The following STXBP4 variants were observed in gnomAD, a reference collection of about 807,000 sequenced individuals.
STXBP4 encodes the protein syntaxin-binding protein 4.
Under a neutral mutation model 76.1 loss-of-function variants are expected in STXBP4, and 55 were observed. That is an observed-to-expected ratio of 0.72 (90% CI 0.58 to 0.91). STXBP4 has a LOEUF of 0.91. Among genes scored for constraint, STXBP4 ranks in the 40% least tolerant of loss-of-function variants. The pLI is 0.00. For missense variants in STXBP4, 618 were observed against 636.9 expected, an observed-to-expected ratio of 0.97 and a Z score of 0.32; for synonymous variants, 201 against 220.2, an observed-to-expected ratio of 0.91 and a Z score of 0.77.
intron 7 of STXBP4, 124 bp from the exon 8 acceptor site, chr17:55,007,382 T>C (rs907915374): frequency 2.8e-6 from 2 of 705,292 alleles, no homozygotes; most frequent in Admixed American, 2.5e-5. Context: ...CAAACAAAAC[T>C]AAAAGCTGCT....
chr17:55,076,594 A>G (rs979299557), intron 13 of STXBP4, among the ~76,000 whole-genome samples: 3 of 152,150 alleles, frequency 2.0e-5, no homozygotes, highest in South Asian at 2.1e-4. Flanking sequence ...TTTGGCTTCA[A>G]TGTTCAGCAG....
intron 4 of STXBP4, among the ~76,000 whole-genome samples, chr17:54,997,834 T>C (rs544972442): frequency 6.6e-6 from 1 of 150,710 alleles, no homozygotes; most frequent in South Asian, 2.1e-4. Flanking sequence ...GCAATCTTTC[T>C]GCCTCAGCCT....
chr17:55,026,189 C>T lies in STXBP4; in HGVS notation c.667-4979C>T, dbSNP rs77687278. Among the ~76,000 whole-genome samples the T allele has an allele frequency of 6.3e-3, 966 of 152,254 alleles. 13 individuals are homozygous for T. Among genetic ancestry groups the T allele is most frequent in the African/African-American group, 0.022 (908 of 41,534 alleles). ...ATTATTAAGATAGCAATACTCCCCA[C>T]GTCGGTATACAGATTTAATGCAATC... On this transcript the variant is annotated intron_variant, in intron 8 of 17. Transcript: ENST00000376352.
intron 8 of STXBP4, among the ~76,000 whole-genome samples, chr17:55,023,092 A>G (rs2144636531): frequency 6.6e-6 from 1 of 152,340 alleles, no homozygotes; most frequent in East Asian, 1.9e-4. Flanking sequence ...CTTGGAGTTT[A>G]TGAGCCCCAG....
intron 16 of STXBP4, among the ~76,000 whole-genome samples, chr17:55,109,135 C>T (rs1162671725): frequency 6.6e-6 from 1 of 152,118 alleles, no homozygotes; most frequent in African/African-American, 2.4e-5. Context: ...TTGAAACCTT[C>T]ATTTTTTAAA....
the STXBP4 span, among the ~76,000 whole-genome samples, chr17:55,193,967 A>G: frequency 1.7e-4 from 26 of 152,296 alleles, no homozygotes; most frequent in African/African-American, 6.3e-4. Context: ...AGGCATGAGC[A>G]ACCAACAGAG....
chr17:55,088,344 T>C (rs1457738214), intron 16 of STXBP4, among the ~76,000 whole-genome samples: 1 of 152,226 alleles, frequency 6.6e-6, no homozygotes, highest in Non-Finnish European at 1.5e-5. Context: ...TGTTATACTA[T>C]GGGATTTTCT....
chr17:55,024,973 T>TAA lies in STXBP4; in HGVS notation c.667-6187_667-6186dup, dbSNP rs560093016. On this transcript the variant is annotated intron_variant, in intron 8 of 17. Transcript: ENST00000376352. ...TAACACAGTGAAACCCCATCTCTAC[T>TAA]AAAAAAAAATACAAAAAATTAGCCG... Among the ~76,000 whole-genome samples the TAA allele has an allele frequency of 8.8e-3, 1,320 of 149,756 alleles. 10 individuals are homozygous for TAA. The highest frequency in any genetic ancestry group is 0.048 in the Middle Eastern group (14 of 292).
chr17:55,023,183 A>G (rs2078345524), intron 8 of STXBP4, among the ~76,000 whole-genome samples: 4 of 152,236 alleles, frequency 2.6e-5, no homozygotes, highest in South Asian at 2.1e-4. Context: ...AAAAGTATCT[A>G]TGTAATCCTT....
chr17:54,978,064 A>G (rs1419764533), intron 1 of STXBP4, among the ~76,000 whole-genome samples: 1 of 152,134 alleles, frequency 6.6e-6, no homozygotes, highest in East Asian at 1.9e-4. Flanking sequence ...ACCCCATCCC[A>G]TTCATGGGTC....
chr17:55,038,443 G>C (rs541008521), intron 10 of STXBP4, among the ~76,000 whole-genome samples: 4 of 151,950 alleles, frequency 2.6e-5, no homozygotes, highest in Non-Finnish European at 5.9e-5. Context: ...TCATTATTTT[G>C]TCTGACTCAT....
At chr17:55,106,284 CTT>C (rs779246143) in intron 16 of STXBP4, among the ~76,000 whole-genome samples, 10 of 142,956 alleles carry the variant, frequency 7.0e-5, no homozygotes, top group Non-Finnish European at 1.2e-4. Context: ...GCAACCCCTG[CTT>C]TTTTTTTTTT....
At chr17:55,028,463 C>T (rs1017714312) in intron 8 of STXBP4, among the ~76,000 whole-genome samples, 31 of 151,974 alleles carry the variant, frequency 2.0e-4, no homozygotes, top group Admixed American at 1.9e-3. Flanking sequence ...TTTATAGGTA[C>T]TATATTCATA....
chr17:55,090,165 C>G (rs1412589627), intron 16 of STXBP4, among the ~76,000 whole-genome samples: 2 of 151,990 alleles, frequency 1.3e-5, no homozygotes, highest in Non-Finnish European at 2.9e-5. Context: ...CAGACGATCT[C>G]TTTTCACTCT....
At chr17:55,078,654 T>G (rs373208259) in intron 14 of STXBP4, 32 bp from the exon 15 acceptor site, 6 of 1,364,520 alleles carry the variant, frequency 4.4e-6, no homozygotes, top group Non-Finnish European at 6.2e-6. Context: ...GTCAAACTGA[T>G]ATATCTCCTT....
chr17:55,123,005 A>G (rs890917409), intron 16 of STXBP4, among the ~76,000 whole-genome samples: 1 of 152,198 alleles, frequency 6.6e-6, no homozygotes, highest in Non-Finnish European at 1.5e-5. Flanking sequence ...TGTTTTATTC[A>G]CATTTATGGG....
chr17:55,141,377 A>T lies in STXBP4; in HGVS notation c.1547+10A>T. The T allele has an allele frequency of 6.2e-7, 1 of 1,608,594 alleles. No homozygotes were observed. Among genetic ancestry groups the T allele is most frequent in the Non-Finnish European group, 8.5e-7 (1 of 1,177,374 alleles). The stretch of plus-strand genomic sequence containing the variant: ...TCAAGTACTTCATCAAGTAAGTACA[A>T]GCATCTCAACCAAGTAAGCAATTTT... On this transcript the variant is annotated intron_variant, in intron 17 of 17. Transcript: ENST00000376352.
intron 16 of STXBP4, among the ~76,000 whole-genome samples, chr17:55,091,988 G>A (rs2079420664): frequency 6.6e-6 from 1 of 152,180 alleles, no homozygotes; most frequent in Admixed American, 6.5e-5. Flanking sequence ...AAGCATCTCA[G>A]ATAAGGGTAC....
chr17:55,016,232 A>C (rs114652088), intron 8 of STXBP4, among the ~76,000 whole-genome samples: 3,252 of 152,050 alleles, frequency 0.021, 124 homozygotes, highest in African/African-American at 0.074. Flanking sequence ...GTTTAGTTAC[A>C]CTCACCGATG....
Sources: allele counts gnomAD v4.1 joint callset (sites outside exome capture counted in the v4.1 genomes callset), GRCh38; gene constraint gnomAD v4.1.1; transcripts MANE v1.5; gene names NCBI Gene and HGNC (gene_info 2026-07-23, HGNC 2026-07-21).